Variants in SACS observed in about 807,000 individuals in gnomAD.
SACS encodes sacsin molecular chaperone, also known as sacsin.
In SACS, 197 loss-of-function variants were observed where a neutral mutation model predicts 348.0. The observed-to-expected ratio is 0.57, with a 90% CI of 0.50 to 0.64. The LOEUF is 0.64. SACS is among the 30% of genes least tolerant of loss of function. The probability of loss-of-function intolerance (pLI) is 0.00; values close to 1 mark genes in which losing one functional copy is unlikely to be tolerated. For synonymous variants in SACS, 1,985 were observed against 1,910.6 expected, an observed-to-expected ratio of 1.04 and a Z score of -1.02; for missense variants, 4,999 against 5,360.8, an observed-to-expected ratio of 0.93 and a Z score of 2.11.
Position 23,339,724 on chromosome 13 carries a change from G to C in SACS, c.4152C>G (p.Ser1384Arg). ...TCATGATAAGTTTAGAAGGATTTTT[G>C]CTATGATGTATAGGAACTGGTGTGT... The part of the protein sequence containing the change: ...SPNTPVPIHH[S>R]KNPSKLIMKP... The change falls in exon 10 of 10, where the codon AGC becomes AGG. Residue 1384 changes from serine to arginine, a missense_variant. Coordinates refer to ENST00000382292, the MANE Select transcript of SACS (RefSeq NM_014363.6). The C allele has an allele frequency of 1.2e-6, 2 of 1,614,062 alleles. No individual in the cohort carries two copies. Among genetic ancestry groups the C allele is most frequent in the Non-Finnish European group, 8.5e-7 (1 of 1,179,972 alleles).
Position 23,354,422 on chromosome 13 carries a change from T to C in SACS, c.2093+97A>G, listed in dbSNP as rs1490203150. On this transcript the variant is annotated intron_variant, in intron 8 of 9. Coordinates refer to ENST00000382292, the MANE Select transcript of SACS (RefSeq NM_014363.6). ...AGTCTTCCTAACTATAAAATCGACA[T>C]AGAAAACCATTGAATTTCACAACAA... 14 of 1,061,912 alleles carry C rather than the reference T, an allele frequency of 1.3e-5. No individual in the cohort carries two copies. In the Admixed American group the frequency reaches 2.2e-4, roughly 17 times the overall value. The allele number at this position is 1,061,912 out of a possible 1,614,324, so 65.8% of individuals were successfully genotyped here.
chr13:23,336,813 C>T lies in SACS; in HGVS notation c.7063G>A (p.Asp2355Asn). The change falls in exon 10 of 10, where the codon GAC becomes AAC. Residue 2355 changes from aspartate to asparagine, a missense_variant. Physicochemically the swap from Asp to Asn is conservative, Grantham distance 23 (BLOSUM62 1). Transcript: ENST00000382292. ...AAATGAAAAGAAACCTTTTCTGAGT[C>T]AACATATGCATTCTCAACTAGAATG... Reference protein sequence around the residue: ...SFILVENAYVDSEKVSFHLNF... With the variant: ...SFILVENAYVNSEKVSFHLNF... The T allele has an allele frequency of 3.1e-6, 5 of 1,613,714 alleles. No homozygotes were observed. Among genetic ancestry groups the T allele is most frequent in the Non-Finnish European group, 4.2e-6 (5 of 1,179,720 alleles).
chr13:23,357,490 C>T (rs1870468428), intron 7 of SACS, among the ~76,000 whole-genome samples: 1 of 152,120 alleles, frequency 6.6e-6, no homozygotes, highest in Non-Finnish European at 1.5e-5. Context: ...CCAATTCAGG[C>T]CAGTAGTCTG....
At position 23,340,118 on chromosome 13, in the gene SACS, A is replaced by G. The variant is rs1279100673; in HGVS notation, c.3758T>C (p.Leu1253Pro). 6.2e-7 allele frequency: 1 copy of G among 1,613,790 alleles called. No homozygotes were observed. The highest frequency in any genetic ancestry group is 8.5e-7 in the Non-Finnish European group (1 of 1,179,938). ...EDYYQFQHIL[L>P]EIYGFMHDHL... ...ATCATGCATGAATCCGTAAATCTCA[A>G]GCAAAATATGCTGGAATTGATAGTA... The change falls in exon 10 of 10, where the codon CTT becomes CCT. Residue 1253 changes from leucine (L) to proline (P), a missense_variant. Around this residue, in one of 6 missense-constraint regions of SACS, gnomAD observed 3,156 missense variants for 3,380.1 expected, o/e 0.93. Coordinates refer to ENST00000382292, the MANE Select transcript of SACS (RefSeq NM_014363.6).
intron 2 of SACS, among the ~76,000 whole-genome samples, chr13:23,383,681 C>G (rs964109080): frequency 1.3e-5 from 2 of 152,190 alleles, no homozygotes; most frequent in African/African-American, 2.4e-5. Flanking sequence ...AATTGTCTCT[C>G]TCCCCCCAAC....
At position 23,333,101 on chromosome 13, in the gene SACS, T is replaced by C; in HGVS notation, c.10775A>G (p.Lys3592Arg). ...WVEFLRNIGL[K>R]YILSQQQLLQ... Reference sequence around the variant, plus strand: ...CAACTGCTGCTGAGAAAGTATGTATTTTAGTCCAATATTTCTTAAGAATTC... The same window carrying C: ...CAACTGCTGCTGAGAAAGTATGTATCTTAGTCCAATATTTCTTAAGAATTC... The change falls in exon 10 of 10, where the codon AAA becomes AGA. Residue 3592 changes from lysine (K) to arginine (R), a missense_variant. By Grantham distance (26) the Lys-to-Arg change is conservative. This residue lies in a region of SACS where 831 missense variants were observed against 941.8 expected (regional missense o/e 0.88). Coordinates refer to ENST00000382292, the MANE Select transcript of SACS (RefSeq NM_014363.6). 6.2e-7 allele frequency: 1 copy of C among 1,613,810 alleles called. No individual in the cohort carries two copies. The highest frequency in any genetic ancestry group is 8.5e-7 in the Non-Finnish European group (1 of 1,179,796).
chr13:23,380,003 C>T (rs144716141), intron 2 of SACS, among the ~76,000 whole-genome samples: 1 of 152,192 alleles, frequency 6.6e-6, no homozygotes, highest in African/African-American at 2.4e-5. Context: ...GCTCAGCTCC[C>T]AGCCTGATCT....
rs1160950355 is a variant in SACS at position 23,335,012 on chromosome 13, G to T, written c.8864C>A (p.Thr2955Asn). 1 of 1,613,622 alleles carries T rather than the reference G, an allele frequency of 6.2e-7. No individual in the cohort carries two copies. Among genetic ancestry groups the T allele is most frequent in the African/African-American group, 1.3e-5 (1 of 74,864 alleles). Residue 2955 changes from threonine to asparagine, a missense_variant, in exon 10 of 10, where the codon ACT becomes AAT. This residue lies in a region of SACS where 734 missense variants were observed against 694.0 expected (regional missense o/e 1.06). Coordinates refer to ENST00000382292, the MANE Select transcript of SACS (RefSeq NM_014363.6). This position sits in a 1 kb window ranked among gnomAD's most constrained non-coding sequence, Gnocchi z 4.7. ...QNTPIHVVKD[T>N]LKKFLSFFPV... Reference sequence around the variant, plus strand: ...GAAAAACGATAAAAACTTCTTTAAAGTGTCCTTTACAACATGAATAGGGGT... The same window carrying T: ...GAAAAACGATAAAAACTTCTTTAAATTGTCCTTTACAACATGAATAGGGGT...
At chr13:23,424,220 G>T (rs1167734948) in intron 1 of SACS, among the ~76,000 whole-genome samples, 12 of 152,134 alleles carry the variant, frequency 7.9e-5, no homozygotes, top group African/African-American at 2.9e-4. Flanking sequence ...ATATGTTTTG[G>T]AGAATCTAAG....
intron 2 of SACS, 80 bp from the exon 3 acceptor site, chr13:23,375,349 T>C (rs1314896895): frequency 7.6e-6 from 10 of 1,310,952 alleles, no homozygotes; most frequent in Middle Eastern, 2.4e-4. Flanking sequence ...CCACCCGCGT[T>C]ACCTCTCCCA....
At position 23,340,611 on chromosome 13, in the gene SACS, G is replaced by C. The variant is rs374225140; in HGVS notation, c.3265C>G (p.Gln1089Glu). The change falls in exon 10 of 10, where the codon CAG (glutamine) becomes GAG (glutamate). Residue 1089 changes from glutamine (Q) to glutamate (E), a missense_variant. Around this residue, in one of 6 missense-constraint regions of SACS, gnomAD observed 3,156 missense variants for 3,380.1 expected, o/e 0.93. Transcript: ENST00000382292. ...TSPDILHSLR[Q>E]IGLKNEASLK... ...CTGGCTTCGTTTTTTAAACCAATCT[G>C]TCTTAAGGAGTGAAGAATATCTGGT... 9 of 1,611,402 alleles carry C rather than the reference G, an allele frequency of 5.6e-6. No homozygotes were observed. Among genetic ancestry groups the C allele is most frequent in the Non-Finnish European group, 7.6e-6 (9 of 1,179,484 alleles).
intron 1 of SACS, among the ~76,000 whole-genome samples, chr13:23,412,407 CTTTTTT>C (rs372385214): frequency 3.3e-5 from 4 of 120,512 alleles, no homozygotes; most frequent in Non-Finnish European, 5.0e-5. Flanking sequence ...AATCCAAACC[CTTTTTT>C]TTTTTTTTTT....
chr13:23,341,726 T>C (rs1343668293), intron 9 of SACS, 36 bp from the exon 10 acceptor site: 4 of 1,536,586 alleles, frequency 2.6e-6, no homozygotes, highest in Middle Eastern at 1.7e-4. Flanking sequence ...TAAATACATA[T>C]AATTCTACTA....
chr13:23,347,498 A>T (rs1869683189), intron 9 of SACS, among the ~76,000 whole-genome samples: 1 of 152,138 alleles, frequency 6.6e-6, no homozygotes, highest in South Asian at 2.1e-4. Flanking sequence ...TAGAGAGCAA[A>T]GGTGTAACCA....
chr13:23,332,926 T>TA lies in SACS; in HGVS notation c.10949dup (p.Leu3650PhefsTer8). On this transcript the variant is annotated frameshift_variant, in exon 10 of 10. Coordinates refer to ENST00000382292, the MANE Select transcript of SACS (RefSeq NM_014363.6). LOFTEE classifies it high-confidence loss of function. Reference sequence around the variant, plus strand: ...CCCGCTCAGGACATAAGAATGGTATTAAAGATAGTTCTTTCAGAAAATTTC... The same window carrying TA: ...CCCGCTCAGGACATAAGAATGGTATTAAAAGATAGTTCTTTCAGAAAATTTC... 6.2e-7 allele frequency: 1 copy of TA among 1,613,942 alleles called. No individual in the cohort carries two copies. The highest frequency in any genetic ancestry group is 8.5e-7 in the Non-Finnish European group (1 of 1,179,922).
chr13:23,331,110 C>A lies in SACS; in HGVS notation c.12766G>T (p.Asp4256Tyr), dbSNP rs752821368. 1.2e-6 allele frequency: 2 copies of A among 1,614,090 alleles called. No homozygotes were observed. The highest frequency in any genetic ancestry group is 2.2e-5 in the South Asian group (2 of 91,080). ...CTGGTTGGTGTAGAAGGAGCACTGT[C>A]CCTGCTTTGAGAGCTTTCCTCAGGT... ...SRPEESSQSRDSAPSTPTSPT... is the reference protein window; with the variant it reads ...SRPEESSQSRYSAPSTPTSPT... The change falls in exon 10 of 10, where the codon GAC (aspartate) becomes TAC (tyrosine). Residue 4256 changes from aspartate to tyrosine, a missense_variant. By Grantham distance (160) the Asp-to-Tyr change is radical (BLOSUM62 -3). Transcript: ENST00000382292.
chr13:23,347,125 T>C (rs1049377161), intron 9 of SACS, among the ~76,000 whole-genome samples: 4 of 152,220 alleles, frequency 2.6e-5, no homozygotes, highest in Non-Finnish European at 4.4e-5. Context: ...AATTACATTA[T>C]AGCTGCATAA....
chr13:23,364,691 T>G (rs1197043471), intron 6 of SACS, among the ~76,000 whole-genome samples: 1 of 152,222 alleles, frequency 6.6e-6, no homozygotes, highest in Non-Finnish European at 1.5e-5. Context: ...AATAATTTAT[T>G]AGTTTATGGC....
Position 23,336,710 on chromosome 13 carries a change from A to G in SACS, c.7166T>C (p.Val2389Ala), listed in dbSNP as rs1280696533. 1 of 1,613,842 alleles carries G rather than the reference A, an allele frequency of 6.2e-7. No individual in the cohort carries two copies. The highest frequency in any genetic ancestry group is 1.1e-5 in the South Asian group (1 of 91,076). Residue 2389 changes from valine to alanine, a missense_variant, in exon 10 of 10, where the codon GTG becomes GCG. Val to Ala is a moderately conservative substitution (Grantham distance 64, BLOSUM62 0). Coordinates refer to ENST00000382292, the MANE Select transcript of SACS (RefSeq NM_014363.6). ...KNNFRELFET[V>A]GVRQSCTVED... Reference sequence around the variant, plus strand: ...AACAGTGCATGACTGCCTCACACCCACGGTTTCAAAAAGTTCGCGGAAATT... The same window carrying G: ...AACAGTGCATGACTGCCTCACACCCGCGGTTTCAAAAAGTTCGCGGAAATT...
Sources: allele counts gnomAD v4.1 joint callset (sites outside exome capture counted in the v4.1 genomes callset), GRCh38; gene constraint gnomAD v4.1.1; regional missense constraint gnomAD v4.1.1; non-coding constraint Gnocchi (gnomAD v3.1); transcripts MANE v1.5; gene names NCBI Gene and HGNC (gene_info 2026-07-23, HGNC 2026-07-21).